Variants in QTGAL observed in about 807,000 individuals in gnomAD.
The protein encoded by QTGAL is queuosine-tRNA galactosyltransferase, also known as BGnT-like protein 1.
chr17:82,946,569 AGT>A, the QTGAL span, among the ~76,000 whole-genome samples: 2 of 150,182 alleles, frequency 1.3e-5, no homozygotes, highest in East Asian at 2.0e-4. Flanking sequence ...ACAGAACCCA[AGT>A]GTGTGTGTGT....
chr17:82,973,058 C>T, the QTGAL span, among the ~76,000 whole-genome samples: 2 of 152,364 alleles, frequency 1.3e-5, no homozygotes, highest in East Asian at 1.9e-4. Flanking sequence ...TGTGCTCCCG[C>T]GGCTGCCAGC....
chr17:82,963,410 C>A, the QTGAL span, among the ~76,000 whole-genome samples: 3 of 152,108 alleles, frequency 2.0e-5, no homozygotes, highest in Non-Finnish European at 4.4e-5. Context: ...CAGGGCCCAG[C>A]GATTGGAGTC....
At chr17:82,982,562 G>GGGATCAGAGCCCATGAAAA in the QTGAL span, among the ~76,000 whole-genome samples, 1 of 113,552 alleles carries the variant, frequency 8.8e-6, no homozygotes, top group Non-Finnish European at 1.8e-5. Flanking sequence ...CACCACGTGA[G>GGGATCAGAGCCCATGAAAA]GACACGGTGA....
chr17:83,011,528 C>A, the QTGAL span: 1 of 152,336 alleles, frequency 6.6e-6, no homozygotes, highest in South Asian at 2.1e-4. Flanking sequence ...TTTTGTAGGT[C>A]ATGATTTCTA....
chr17:83,014,494 A>C, the QTGAL span: 1 of 1,614,092 alleles, frequency 6.2e-7, no homozygotes, highest in South Asian at 1.1e-5. Context: ...TTGCAGCCTC[A>C]CCCGCTGGGG....
chr17:83,028,066 G>A, the QTGAL span, among the ~76,000 whole-genome samples: 8,685 of 152,102 alleles, frequency 0.057, 495 homozygotes, highest in African/African-American at 0.15. Context: ...AGCCAAGATC[G>A]CACCACTGCA....
chr17:83,049,505 C>T, the QTGAL span, among the ~76,000 whole-genome samples: 3 of 150,458 alleles, frequency 2.0e-5, no homozygotes, highest in Non-Finnish European at 3.0e-5. Context: ...CTCTGCCTCC[C>T]GGGTTCACGC....
At chr17:83,050,569 GA>G in the QTGAL span, among the ~76,000 whole-genome samples, 201 of 151,768 alleles carry the variant, frequency 1.3e-3, 11 homozygotes, top group East Asian at 0.029. Flanking sequence ...AAAAAGGCTG[GA>G]AAAAAAACAA....
the QTGAL span, among the ~76,000 whole-genome samples, chr17:82,984,996 G>A: frequency 6.6e-5 from 10 of 152,298 alleles, 1 homozygote; most frequent in African/African-American, 1.9e-4. Flanking sequence ...CTGGGAAGCC[G>A]GGTGGCGGTT....
the QTGAL span, among the ~76,000 whole-genome samples, chr17:83,046,170 C>T: frequency 7.3e-5 from 11 of 151,590 alleles, no homozygotes; most frequent in Non-Finnish European, 1.5e-4. Context: ...CACTCTGTCA[C>T]CCAGGCTGAA....
the QTGAL span, among the ~76,000 whole-genome samples, chr17:82,970,615 C>CG: frequency 8.0e-5 from 8 of 99,892 alleles, 1 homozygote; most frequent in East Asian, 1.1e-3. Flanking sequence ...CCGCGACCTC[C>CG]CCACCCGGCG....
the QTGAL span, among the ~76,000 whole-genome samples, chr17:82,950,657 T>C: frequency 6.6e-6 from 1 of 152,170 alleles, no homozygotes; most frequent in South Asian, 2.1e-4. Flanking sequence ...CTTTCTCCAA[T>C]AAGACTGGAA....
chr17:82,947,345 G>A, the QTGAL span: 1 of 257,352 alleles, frequency 3.9e-6, no homozygotes, highest in South Asian at 9.7e-5. Context: ...CCACCCCTCT[G>A]CACAGGCCAG....
At chr17:82,959,539 G>A in the QTGAL span, among the ~76,000 whole-genome samples, 6 of 152,144 alleles carry the variant, frequency 3.9e-5, no homozygotes, top group East Asian at 1.9e-4. Context: ...ACCAGGTGAC[G>A]CAGCCTCGCC....
the QTGAL span, among the ~76,000 whole-genome samples, chr17:82,955,251 C>T: frequency 6.6e-6 from 1 of 152,142 alleles, no homozygotes; most frequent in Non-Finnish European, 1.5e-5. Context: ...TATACAGGAT[C>T]TACAAGGGAC....
At chr17:83,012,439 T>C in the QTGAL span, among the ~76,000 whole-genome samples, 12 of 152,220 alleles carry the variant, frequency 7.9e-5, no homozygotes, top group Non-Finnish European at 1.2e-4. Context: ...CCTAACAAAA[T>C]TCCTTAGACG....
At chr17:83,022,329 C>T in the QTGAL span, among the ~76,000 whole-genome samples, 17 of 137,248 alleles carry the variant, frequency 1.2e-4, no homozygotes, top group South Asian at 1.5e-3. Context: ...GCACTGTCCC[C>T]GGCCCACCTG....
At chr17:82,957,936 G>A in the QTGAL span, among the ~76,000 whole-genome samples, 5 of 152,070 alleles carry the variant, frequency 3.3e-5, no homozygotes, top group Non-Finnish European at 5.9e-5. Context: ...ACTCCCCTGG[G>A]AACCTGGTCT....
the QTGAL span, among the ~76,000 whole-genome samples, chr17:83,047,748 T>A: frequency 6.7e-6 from 1 of 148,230 alleles, no homozygotes; most frequent in Non-Finnish European, 1.5e-5. Flanking sequence ...AGGTCTATAA[T>A]AAATCCCTAC....
Sources: gnomAD v4.1 joint callset for allele counts (sites outside exome capture counted in the v4.1 genomes callset) on GRCh38, gnomAD v4.1.1 for gene constraint, MANE v1.5 for transcripts, NCBI Gene and HGNC (gene_info 2026-07-23, HGNC 2026-07-21) for gene names.